The following DCC variants were observed in gnomAD, a reference collection of about 807,000 sequenced individuals.
DCC encodes DCC netrin 1 receptor, also known as netrin receptor DCC.
Under a neutral mutation model 172.5 loss-of-function variants are expected in DCC, and 58 were observed. The ratio of observed to expected loss-of-function variants is 0.34; its 90% CI spans 0.27 to 0.42. The LOEUF is 0.42. Among genes scored for constraint, DCC ranks in the 10% least tolerant of loss-of-function variants. The probability of loss-of-function intolerance (pLI) is 1.00; values close to 1 mark genes in which losing one functional copy is unlikely to be tolerated. For missense variants in DCC, 1,740 were observed against 1,791.0 expected, an observed-to-expected ratio of 0.97 and a Z score of 0.51; for synonymous variants, 709 against 644.5, an observed-to-expected ratio of 1.10 and a Z score of -1.52.
rs565387449 is a variant in DCC at position 52,979,986 on chromosome 18, T to C, written c.985+54616T>C. ...ACTTGAAAAGGAGAGGGGATGTGAG[T>C]TCTACAGACAGCACTTATCCCCTGA... is the stretch of plus-strand genomic sequence containing the variant. On this transcript the variant is annotated intron_variant, in intron 5 of 28. Transcript: ENST00000442544. Among the ~76,000 whole-genome samples, 32 of 152,248 alleles carry C rather than the reference T, an allele frequency of 2.1e-4. 1 individual carries two copies. The South Asian group carries it at 6.4e-3, about 31-fold the overall frequency.
chr18:52,724,954 C>G (rs1343972446), intron 1 of DCC, among the ~76,000 whole-genome samples: 3 of 152,202 alleles, frequency 2.0e-5, no homozygotes, highest in Non-Finnish European at 4.4e-5. Context: ...GAAACTTCAG[C>G]TTGATGGCCA....
intron 1 of DCC, among the ~76,000 whole-genome samples, chr18:52,366,775 C>T (rs1324590966): frequency 2.0e-5 from 3 of 152,212 alleles, no homozygotes; most frequent in Non-Finnish European, 4.4e-5. Flanking sequence ...GGTGTATTTA[C>T]AATCCCTGAG....
chr18:53,263,768 G>A (rs554307148), intron 12 of DCC, among the ~76,000 whole-genome samples: 1 of 151,778 alleles, frequency 6.6e-6, no homozygotes, highest in African/African-American at 2.4e-5. Context: ...TACCCTGTTA[G>A]TAGCTCTAAA....
At chr18:52,569,705 T>C (rs1276898342) in intron 1 of DCC, among the ~76,000 whole-genome samples, 5 of 152,006 alleles carry the variant, frequency 3.3e-5, no homozygotes, top group Non-Finnish European at 5.9e-5. Flanking sequence ...GGGAATGATA[T>C]GAGAAAAATG....
intron 19 of DCC, among the ~76,000 whole-genome samples, chr18:53,404,774 C>A (rs1393203821): frequency 6.6e-6 from 1 of 151,384 alleles, no homozygotes; most frequent in Non-Finnish European, 1.5e-5. Flanking sequence ...AAAAGAAATG[C>A]AAATTAATCT....
chr18:53,129,140 G>T (rs2144313718), intron 7 of DCC, among the ~76,000 whole-genome samples: 1 of 151,850 alleles, frequency 6.6e-6, no homozygotes, highest in Admixed American at 6.6e-5. Context: ...TCACACCTCA[G>T]CCTCCCAAAG....
chr18:53,178,748 A>G (rs193126671), intron 8 of DCC, among the ~76,000 whole-genome samples: 31 of 152,302 alleles, frequency 2.0e-4, no homozygotes, highest in Non-Finnish European at 8.8e-5. Context: ...ACATAATCTT[A>G]AACTCCCCAG....
At chr18:52,345,472 TA>T (rs1439720277) in intron 1 of DCC, among the ~76,000 whole-genome samples, 1 of 152,202 alleles carries the variant, frequency 6.6e-6, no homozygotes, top group Admixed American at 6.5e-5. Context: ...TAAGGAATCA[TA>T]GCTTGGAATC....
rs147668685 is a variant in DCC at position 52,468,976 on chromosome 18, G to A, written c.91+128098G>A. On this transcript the variant is annotated intron_variant, in intron 1 of 28. Coordinates refer to ENST00000442544, the MANE Select transcript of DCC (RefSeq NM_005215.4). Reference sequence around the variant, plus strand: ...CATTTTTGTAAACTGACAACAATAAGCTAACTAATATATGCTGAATTTAGG... The same window carrying A: ...CATTTTTGTAAACTGACAACAATAAACTAACTAATATATGCTGAATTTAGG... 9.2e-5 allele frequency among the ~76,000 whole-genome samples: 14 copies of A among 152,222 alleles called. No individual in the cohort carries two copies. In the East Asian group the frequency reaches 2.7e-3, roughly 29 times the overall value.
intron 1 of DCC, among the ~76,000 whole-genome samples, chr18:52,641,660 A>G (rs1048114623): frequency 5.3e-5 from 8 of 152,186 alleles, no homozygotes; most frequent in Non-Finnish European, 1.0e-4. Flanking sequence ...CAAAACCACA[A>G]TGCAATACCA....
chr18:53,155,774 C>T (rs1161466948), intron 7 of DCC, among the ~76,000 whole-genome samples: 2 of 152,194 alleles, frequency 1.3e-5, no homozygotes, highest in Non-Finnish European at 2.9e-5. Flanking sequence ...CGCCAGTAAT[C>T]CCAGTACTTT....
chr18:53,107,538 AAGG>A (rs1432956488), intron 7 of DCC, among the ~76,000 whole-genome samples: 19 of 83,536 alleles, frequency 2.3e-4, no homozygotes, highest in African/African-American at 1.5e-3. Flanking sequence ...AAAAAAAAGG[AAGG>A]AAAAAAAAAA....
intron 2 of DCC, among the ~76,000 whole-genome samples, chr18:52,771,061 C>A (rs1445788772): frequency 6.6e-6 from 1 of 152,116 alleles, no homozygotes; most frequent in Non-Finnish European, 1.5e-5. Flanking sequence ...ATCCGCTTTT[C>A]TTTTCAGAAA....
chr18:52,389,707 A>G (rs1312508883), intron 1 of DCC, among the ~76,000 whole-genome samples: 1 of 152,130 alleles, frequency 6.6e-6, no homozygotes, highest in Non-Finnish European at 1.5e-5. Flanking sequence ...CAGAAGCTAA[A>G]TAATAACTTA....
chr18:53,381,338 C>G (rs1261537854), intron 15 of DCC, among the ~76,000 whole-genome samples: 1 of 152,036 alleles, frequency 6.6e-6, no homozygotes, highest in Admixed American at 6.5e-5. Flanking sequence ...AATTAAGCAT[C>G]TGGGTGGTGG....
chr18:52,776,137 A>G (rs1599098174), intron 2 of DCC, among the ~76,000 whole-genome samples: 1 of 152,342 alleles, frequency 6.6e-6, no homozygotes, highest in Middle Eastern at 3.4e-3. Flanking sequence ...AAATTTTTGC[A>G]ACACAACAGA....
At chr18:52,994,717 C>G (rs748619915) in intron 5 of DCC, among the ~76,000 whole-genome samples, 1 of 152,046 alleles carries the variant, frequency 6.6e-6, no homozygotes, top group African/African-American at 2.4e-5. Flanking sequence ...GCCCAGTATG[C>G]CAAATTTATT....
At chr18:53,043,127 C>T (rs911969327) in intron 5 of DCC, among the ~76,000 whole-genome samples, 2 of 151,982 alleles carry the variant, frequency 1.3e-5, no homozygotes, top group Non-Finnish European at 2.9e-5. Context: ...CCATGGAATA[C>T]TATGCCTCCG....
At chr18:52,646,580 A>G (rs865844690) in intron 1 of DCC, among the ~76,000 whole-genome samples, 7 of 152,314 alleles carry the variant, frequency 4.6e-5, no homozygotes, top group Middle Eastern at 3.4e-3. Context: ...CCTAGGTTCA[A>G]TAATTTGCCA....
Sources: gnomAD v4.1 joint callset for allele counts (sites outside exome capture counted in the v4.1 genomes callset) on GRCh38, gnomAD v4.1.1 for gene constraint, MANE v1.5 for transcripts, NCBI Gene and HGNC (gene_info 2026-07-23, HGNC 2026-07-21) for gene names.